Variants in ULK2 observed in about 807,000 individuals in gnomAD.
ULK2 encodes unc-51 like autophagy activating kinase 2, also known as serine/threonine-protein kinase ULK2.
A neutral mutation model predicts 127.5 loss-of-function variants in ULK2; 76 were observed. That is an observed-to-expected ratio of 0.60 (90% confidence interval 0.50 to 0.72). The LOEUF (loss-of-function observed/expected upper bound fraction) is 0.72. Among genes scored for constraint, ULK2 ranks in the 30% least tolerant of loss-of-function variants. ULK2 has a pLI of 0.00. For synonymous variants in ULK2, 452 were observed against 461.9 expected (o/e 0.98, Z 0.28); for missense variants, 1,144 against 1,295.9 (o/e 0.88, Z 1.80).
At chr17:19,836,149 G>A (rs1011744645) in intron 10 of ULK2, among the ~76,000 whole-genome samples, 9 of 148,020 alleles carry the variant, frequency 6.1e-5, no homozygotes, top group Admixed American at 4.7e-4. Flanking sequence ...GGTGGCTCAC[G>A]CTTGTAATCC....
At chr17:19,810,489 A>G (rs778538844) in intron 13 of ULK2, 51 bp from the exon 14 acceptor site, 91 of 1,216,448 alleles carry the variant, frequency 7.5e-5, no homozygotes, top group Non-Finnish European at 1.1e-4. Flanking sequence ...CTGCTTAAAA[A>G]AACACAAATT....
chr17:19,795,608 T>A lies in ULK2; in HGVS notation c.2101+14A>T. 6.2e-7 allele frequency: 1 copy of A among 1,605,818 alleles called. No individual in the cohort carries two copies. Among genetic ancestry groups the A allele is most frequent in the Non-Finnish European group, 8.5e-7 (1 of 1,172,806 alleles). ...GCAAATTACCTGCCTAAAAAGAAAC[T>A]ACATTTTTCTTACCTATATCCATTG... On this transcript the variant is annotated intron_variant, in intron 20 of 26. Transcript: ENST00000395544.
At chr17:19,784,912 G>A (rs1016490089) in intron 21 of ULK2, among the ~76,000 whole-genome samples, 6 of 151,954 alleles carry the variant, frequency 3.9e-5, no homozygotes, top group Admixed American at 2.0e-4. Flanking sequence ...ATTATTCAAG[G>A]TTTTTAATCG....
At chr17:19,816,100 G>C (rs541103332) in intron 13 of ULK2, among the ~76,000 whole-genome samples, 1 of 152,178 alleles carries the variant, frequency 6.6e-6, no homozygotes, top group Non-Finnish European at 1.5e-5. Flanking sequence ...CAACTAAAAA[G>C]ACCTGATACA....
chr17:19,806,205 AAC>A (rs1451046876), intron 14 of ULK2, among the ~76,000 whole-genome samples: 1 of 152,206 alleles, frequency 6.6e-6, no homozygotes, highest in African/African-American at 2.4e-5. Context: ...CAGAATAACC[AAC>A]ACAGTCATCA....
chr17:19,777,710 A>C lies in ULK2; in HGVS notation c.2923T>G (p.Ser975Ala). Residue 975 changes from serine to alanine, a missense_variant, in exon 26 of 27, where the codon TCT (serine) becomes GCT (alanine). This residue lies in a region of ULK2 where 913 missense variants were observed against 970.5 expected (regional missense o/e 0.94). Transcript: ENST00000395544. The part of the protein sequence containing the change: ...IYNCAVEMVQ[S>A]AALDEMFQQT... ...TGAAACATCTCATCCAGGGCTGCAG[A>C]CTGAACCTGGAACCAGTCAACAAAA... 6.2e-7 allele frequency: 1 copy of C among 1,607,730 alleles called. No homozygotes were observed. Among genetic ancestry groups the C allele is most frequent in the South Asian group, 1.1e-5 (1 of 89,340 alleles).
At chr17:19,837,018 C>G (rs370641889) in intron 10 of ULK2, among the ~76,000 whole-genome samples, 32 of 151,588 alleles carry the variant, frequency 2.1e-4, no homozygotes, top group South Asian at 1.9e-3. Flanking sequence ...CCCAGGAGTT[C>G]AAGGTTGCGG....
chr17:19,781,216 C>T, intron 23 of ULK2, 112 bp from the exon 24 acceptor site: 88 of 582,522 alleles, frequency 1.5e-4, no homozygotes, highest in South Asian at 5.6e-4. Flanking sequence ...ATAGCATCCT[C>T]TTTGATTTCT....
intron 5 of ULK2, among the ~76,000 whole-genome samples, chr17:19,848,503 A>C (rs548781200): frequency 6.6e-6 from 1 of 152,136 alleles, no homozygotes; most frequent in Non-Finnish European, 1.5e-5. Context: ...AATATGGCCC[A>C]GTGTGTGGCT....
intron 15 of ULK2, 21 bp from the exon 16 acceptor site, chr17:19,801,943 T>C (rs2087410597): frequency 1.9e-6 from 3 of 1,581,342 alleles, no homozygotes; most frequent in Non-Finnish European, 2.6e-6. Context: ...AATTATTCCT[T>C]CTATAAAAGG....
chr17:19,863,850 T>A (rs1211047223), intron 3 of ULK2, among the ~76,000 whole-genome samples: 1 of 152,200 alleles, frequency 6.6e-6, no homozygotes, highest in Non-Finnish European at 1.5e-5. Flanking sequence ...CTACTTCCCA[T>A]TCCAAATAAA....
chr17:19,831,874 C>A (rs1452316166), intron 10 of ULK2, among the ~76,000 whole-genome samples: 2 of 151,738 alleles, frequency 1.3e-5, no homozygotes, highest in African/African-American at 2.4e-5. Flanking sequence ...ACTTGTAATC[C>A]CAGTATTTTG....
intron 20 of ULK2, among the ~76,000 whole-genome samples, chr17:19,792,015 A>T (rs2087166811): frequency 6.6e-6 from 1 of 152,070 alleles, no homozygotes; most frequent in Non-Finnish European, 1.5e-5. Flanking sequence ...AAATTGAAAA[A>T]TTTCTTGAAA....
chr17:19,807,671 GCACATCAAAAGAA>G (rs1031665583), intron 14 of ULK2, among the ~76,000 whole-genome samples: 34 of 152,238 alleles, frequency 2.2e-4, no homozygotes, highest in Admixed American at 1.9e-3. Flanking sequence ...AAAAAAGGCA[GCACATCAAAAGAA>G]GTGAAAATCT....
chr17:19,820,937 G>A (rs1340594587), intron 12 of ULK2, among the ~76,000 whole-genome samples: 2 of 152,140 alleles, frequency 1.3e-5, no homozygotes, highest in Non-Finnish European at 2.9e-5. Context: ...CCTCCTTAAT[G>A]TCAGGGACCT....
chr17:19,855,209 C>T (rs1328419340), intron 3 of ULK2, among the ~76,000 whole-genome samples: 1 of 151,600 alleles, frequency 6.6e-6, no homozygotes, highest in East Asian at 1.9e-4. Flanking sequence ...TCGAGACCAT[C>T]CTGGCTAACA....
At chr17:19,797,727 C>T in intron 17 of ULK2, 45 bp from the exon 18 acceptor site, 5 of 1,399,864 alleles carry the variant, frequency 3.6e-6, no homozygotes, top group East Asian at 2.7e-5. Flanking sequence ...TGAAGAAGTG[C>T]AGTGCAAAAA....
Position 19,771,663 on chromosome 17 carries a change from T to C in ULK2, c.*4686A>G, listed in dbSNP as rs1356949440. On this transcript the variant is annotated 3_prime_UTR_variant, in exon 27 of 27. Transcript: ENST00000395544. ...TCATTAACTTATTTCTCACCTCAAC[T>C]CTGTGAGACATGCACTCTTCCCCCA... 1 of 152,094 alleles carries C rather than the reference T, an allele frequency of 6.6e-6. No individual in the cohort carries two copies. Among genetic ancestry groups the C allele is most frequent in the East Asian group, 1.9e-4 (1 of 5,184 alleles). The allele number at this position is 152,094 out of a possible 1,614,324, so 9.4% of individuals were successfully genotyped here.
chr17:19,843,778 C>T (rs1364865798), intron 7 of ULK2, among the ~76,000 whole-genome samples: 1 of 151,744 alleles, frequency 6.6e-6, no homozygotes, highest in East Asian at 1.9e-4. Context: ...CCTGTCTCAG[C>T]CTCCCAAGTA....
Sources: allele counts gnomAD v4.1 joint callset (sites outside exome capture counted in the v4.1 genomes callset), GRCh38; gene constraint gnomAD v4.1.1; regional missense constraint gnomAD v4.1.1; transcripts MANE v1.5; gene names NCBI Gene and HGNC (gene_info 2026-07-23, HGNC 2026-07-21).